Variants in PCDHAC1 observed in about 807,000 individuals in gnomAD.
PCDHAC1 encodes protocadherin alpha subfamily C, 1.
PCDHAC1 carries 42 observed loss-of-function variants against 60.0 expected under a neutral mutation model. That is an observed-to-expected ratio of 0.70 (90% CI 0.55 to 0.90). The LOEUF (loss-of-function observed/expected upper bound fraction) is 0.90, where lower values mean the gene tolerates loss of function less well. PCDHAC1 is among the 40% of genes least tolerant of loss of function. The pLI, the probability that PCDHAC1 is intolerant of heterozygous loss-of-function variation, is 0.00. For missense variants in PCDHAC1, 1,160 were observed against 1,222.3 expected, an observed-to-expected ratio of 0.95 and a Z score of 0.76; for synonymous variants, 468 against 499.3, an observed-to-expected ratio of 0.94 and a Z score of 0.84.
chr5:140,935,605 T>C (rs1554210594), intron 1 of PCDHAC1, among the ~76,000 whole-genome samples: 4 of 152,228 alleles, frequency 2.6e-5, no homozygotes. Flanking sequence ...AGAGCTAGGC[T>C]TTTTTCAAGT....
At chr5:141,003,039 T>C (rs2098108520) in intron 3 of PCDHAC1, among the ~76,000 whole-genome samples, 1 of 152,216 alleles carries the variant, frequency 6.6e-6, no homozygotes, top group Admixed American at 6.5e-5. Flanking sequence ...AAAGCCCTCC[T>C]GGCCTTAACA....
At chr5:140,971,732 T>C (rs1554233582) in intron 1 of PCDHAC1, among the ~76,000 whole-genome samples, 2 of 151,638 alleles carry the variant, frequency 1.3e-5, no homozygotes, top group African/African-American at 4.8e-5. Flanking sequence ...ATCATACATA[T>C]ACACATACAT....
intron 1 of PCDHAC1, among the ~76,000 whole-genome samples, chr5:140,933,853 A>G (rs192647657): frequency 6.6e-6 from 1 of 151,684 alleles, no homozygotes; most frequent in Non-Finnish European, 1.5e-5. Flanking sequence ...TGTACCTTTA[A>G]TTTTTTCAGA....
Position 140,927,499 on chromosome 5 carries a change from C to G in PCDHAC1, c.607C>G (p.Leu203Val), listed in dbSNP as rs781977423. 6.2e-7 allele frequency: 1 copy of G among 1,614,136 alleles called. No homozygotes were observed. The highest frequency in any genetic ancestry group is 1.7e-5 in the Admixed American group (1 of 60,034). ...ACAGCGCGCCACCCACCTGCTGGTGCTTACAGCTCGGGACGGCGGGCTACC... is the reference window on the plus strand; with the variant it reads ...ACAGCGCGCCACCCACCTGCTGGTGGTTACAGCTCGGGACGGCGGGCTACC... ...REQRATHLLV[L>V]TARDGGLPAR... Residue 203 changes from leucine to valine, a missense_variant, in exon 1 of 4, where the codon CTT becomes GTT. Physicochemically the swap from Leu to Val is conservative, Grantham distance 32 (BLOSUM62 1). Coordinates refer to ENST00000253807, the MANE Select transcript of PCDHAC1 (RefSeq NM_018898.5).
At position 140,927,034 on chromosome 5, in the gene PCDHAC1, G is replaced by A. The variant is rs782732545; in HGVS notation, c.142G>A (p.Ala48Thr). ...CTCCGCGGACTTGAGGCTGCCAGCG[G>A]CCGCTATGTCCTCGCGGAACTTTCG... ...NLSADLRLPA[A>T]AMSSRNFRFL... Residue 48 changes from alanine (A) to threonine (T), a missense_variant, in exon 1 of 4, where the codon GCC (alanine) becomes ACC (threonine). By Grantham distance (58) the Ala-to-Thr change is moderately conservative. Coordinates refer to ENST00000253807, the MANE Select transcript of PCDHAC1 (RefSeq NM_018898.5). 6 of 1,612,400 alleles carry A rather than the reference G, an allele frequency of 3.7e-6. No individual in the cohort carries two copies. The East Asian group carries it at 8.9e-5, about 24-fold the overall frequency.
intron 3 of PCDHAC1, among the ~76,000 whole-genome samples, chr5:140,993,704 A>G (rs1032326931): frequency 3.3e-5 from 5 of 152,172 alleles, no homozygotes; most frequent in African/African-American, 1.2e-4. Flanking sequence ...TTGTAATACC[A>G]TATTTTTACT....
intron 3 of PCDHAC1, among the ~76,000 whole-genome samples, chr5:140,988,486 T>C (rs2153874124): frequency 6.6e-6 from 1 of 152,286 alleles, no homozygotes; most frequent in South Asian, 2.1e-4. Context: ...TAGCATCCCC[T>C]ACCTAGGAGA....
At chr5:140,982,237 G>T (rs2096973071) in intron 2 of PCDHAC1, 1 of 665,404 alleles carries the variant, frequency 1.5e-6, no homozygotes, top group East Asian at 3.5e-5. Context: ...AAACAGAATT[G>T]CCATAAAGAT....
intron 1 of PCDHAC1, among the ~76,000 whole-genome samples, chr5:140,934,486 A>G (rs1243287097): frequency 6.6e-6 from 1 of 152,124 alleles, no homozygotes; most frequent in East Asian, 1.9e-4. Context: ...AATTATATTC[A>G]CCTCATAAAC....
chr5:140,981,407 C>G (rs1410838924), intron 2 of PCDHAC1, among the ~76,000 whole-genome samples: 1 of 152,042 alleles, frequency 6.6e-6, no homozygotes, highest in Non-Finnish European at 1.5e-5. Flanking sequence ...AAACCTGTCT[C>G]TACTAAAAAT....
intron 1 of PCDHAC1, among the ~76,000 whole-genome samples, chr5:140,952,530 A>C (rs246033): frequency 0.56 from 85,631 of 151,920 alleles, 24,768 homozygotes; most frequent in African/African-American, 0.69. Flanking sequence ...ACCTCCTCAG[A>C]CTGGACTTCT....
chr5:140,984,140 A>G (rs2097088641), intron 3 of PCDHAC1, among the ~76,000 whole-genome samples: 1 of 152,240 alleles, frequency 6.6e-6, no homozygotes, highest in Non-Finnish European at 1.5e-5. Context: ...ATGTGGAGGC[A>G]TCTGGGAAGG....
intron 2 of PCDHAC1, among the ~76,000 whole-genome samples, chr5:140,982,129 A>G (rs2153827592): frequency 6.6e-6 from 1 of 152,376 alleles, no homozygotes; most frequent in East Asian, 1.9e-4. Context: ...TTTGAGAACA[A>G]GCCCTCCTCA....
rs2083528007 is a variant in PCDHAC1 at position 140,926,750 on chromosome 5, G to C, written c.-143G>C. 1 of 1,256,516 alleles carries C rather than the reference G, an allele frequency of 8.0e-7. No homozygotes were observed. Among genetic ancestry groups the C allele is most frequent in the Non-Finnish European group, 1.0e-6 (1 of 971,982 alleles). 77.8% of individuals were successfully genotyped at this position (1,256,516 alleles called of 1,614,324 possible). A position where few individuals can be genotyped will look rare whatever the true frequency, so the allele number is the denominator to read the frequency against. On this transcript the variant is annotated 5_prime_UTR_variant, in exon 1 of 4. Coordinates refer to ENST00000253807, the MANE Select transcript of PCDHAC1 (RefSeq NM_018898.5). ...GCGTTCGGGAGGCGCAACGTCGGCG[G>C]TCGCTGAGTATCCAGCCCGCAGCAG...
At chr5:140,975,084 T>C (rs1353727401) in intron 1 of PCDHAC1, among the ~76,000 whole-genome samples, 1 of 152,140 alleles carries the variant, frequency 6.6e-6, no homozygotes, top group African/African-American at 2.4e-5. Context: ...GTTGGCAGAA[T>C]CCAGTTGTTT....
At chr5:141,001,794 T>C (rs2098037139) in intron 3 of PCDHAC1, among the ~76,000 whole-genome samples, 1 of 152,184 alleles carries the variant, frequency 6.6e-6, no homozygotes, top group Non-Finnish European at 1.5e-5. Flanking sequence ...CCTGAGTATA[T>C]ACTATCATTC....
chr5:140,941,214 C>CTTCCTTTCTTTCTTTCTTT (rs1554214039), intron 1 of PCDHAC1, among the ~76,000 whole-genome samples: 1 of 122,414 alleles, frequency 8.2e-6, no homozygotes, highest in Non-Finnish European at 1.7e-5. Context: ...TTTCTTTCTT[C>CTTCCTTTCTTTCTTTCTTT]CTTTCTTTCT....
At chr5:140,941,239 C>CTTTCTTTCTTTCT in intron 1 of PCDHAC1, among the ~76,000 whole-genome samples, 1 of 134,600 alleles carries the variant, frequency 7.4e-6, no homozygotes, top group South Asian at 2.4e-4. Flanking sequence ...TTCTTTCTTT[C>CTTTCTTTCTTTCT]TTTCTTTCTT....
chr5:140,938,810 C>G (rs1182517488), intron 1 of PCDHAC1, among the ~76,000 whole-genome samples: 1 of 152,030 alleles, frequency 6.6e-6, no homozygotes, highest in Non-Finnish European at 1.5e-5. Context: ...ACCACAAACC[C>G]CTGTGACATG....
Sources: gnomAD v4.1 joint callset for allele counts (sites outside exome capture counted in the v4.1 genomes callset) on GRCh38, gnomAD v4.1.1 for gene constraint, MANE v1.5 for transcripts, NCBI Gene and HGNC (gene_info 2026-07-23, HGNC 2026-07-21) for gene names.